The following CCDC73 variants were observed in gnomAD, a reference collection of about 807,000 sequenced individuals.
The protein encoded by CCDC73 is coiled-coil domain containing 73, also known as coiled-coil domain-containing protein 73.
CCDC73 carries 95 observed loss-of-function variants against 116.5 expected under a neutral mutation model. The observed-to-expected ratio is 0.82, with a 90% CI of 0.69 to 0.97. The LOEUF (loss-of-function observed/expected upper bound fraction) is 0.97, where lower values mean the gene tolerates loss of function less well. Among genes scored for constraint, CCDC73 ranks in the 50% least tolerant of loss-of-function variants. The pLI is 0.00. For missense variants in CCDC73, 1,066 were observed against 1,206.8 expected (o/e 0.88, Z 1.73); for synonymous variants, 398 against 401.3 (o/e 0.99, Z 0.10).
intron 2 of CCDC73, among the ~76,000 whole-genome samples, chr11:32,729,139 T>A (rs1850054384): frequency 6.6e-6 from 1 of 152,156 alleles, no homozygotes; most frequent in South Asian, 2.1e-4. Flanking sequence ...AAGCCTAGCA[T>A]CCATTAGCTA....
intron 7 of CCDC73, among the ~76,000 whole-genome samples, chr11:32,678,269 A>C (rs995606717): frequency 1.3e-5 from 2 of 151,914 alleles, no homozygotes; most frequent in Non-Finnish European, 2.9e-5. Context: ...CTAGAGTGAG[A>C]CTCCGTCTCA....
chr11:32,664,859 CTTTG>C (rs1263048156), intron 9 of CCDC73, among the ~76,000 whole-genome samples: 1 of 152,126 alleles, frequency 6.6e-6, no homozygotes, highest in Admixed American at 6.5e-5. Context: ...TATGTTGTGT[CTTTG>C]TTCTCGTTGG....
rs74604876 is a variant in CCDC73 at position 32,659,339 on chromosome 11, C to A, written c.646-4367G>T. Among the ~76,000 whole-genome samples the A allele has an allele frequency of 6.1e-3, 932 of 152,108 alleles. 11 individuals are homozygous for A. The highest frequency in any genetic ancestry group is 0.021 in the African/African-American group (889 of 41,482). On this transcript the variant is annotated intron_variant, in intron 9 of 17. Transcript: ENST00000335185. ...TCTACAGGTAGTTGAACATATAGAA[C>A]CAGAGATTAAGAGAAATGTGAGATT...
the CCDC73 span, among the ~76,000 whole-genome samples, chr11:32,800,209 A>G: frequency 6.6e-6 from 1 of 152,184 alleles, no homozygotes; most frequent in Non-Finnish European, 1.5e-5. Flanking sequence ...GGATTAATCA[A>G]CTACAAATAA....
At chr11:32,731,929 G>A (rs955684457) in intron 2 of CCDC73, among the ~76,000 whole-genome samples, 4 of 152,224 alleles carry the variant, frequency 2.6e-5, no homozygotes, top group African/African-American at 7.2e-5. Flanking sequence ...GACAAGTTGA[G>A]AGAAGAAGGC....
At chr11:32,792,168 C>A (rs916155388) in intron 1 of CCDC73, among the ~76,000 whole-genome samples, 1 of 151,970 alleles carries the variant, frequency 6.6e-6, no homozygotes, top group African/African-American at 2.4e-5. Flanking sequence ...ATAAGCACAG[C>A]ACAAAAAAAT....
At chr11:32,753,254 T>G (rs1385808537) in intron 2 of CCDC73, among the ~76,000 whole-genome samples, 1 of 152,052 alleles carries the variant, frequency 6.6e-6, no homozygotes, top group Non-Finnish European at 1.5e-5. Flanking sequence ...TTCTAGTATT[T>G]GTAGAGTGTT....
chr11:32,814,788 A>C, the CCDC73 span, among the ~76,000 whole-genome samples: 1 of 152,236 alleles, frequency 6.6e-6, no homozygotes, highest in Non-Finnish European at 1.5e-5. Context: ...AATGCCCATC[A>C]GTGATGAATG....
chr11:32,818,233 C>T, the CCDC73 span, among the ~76,000 whole-genome samples: 1 of 152,218 alleles, frequency 6.6e-6, no homozygotes, highest in South Asian at 2.1e-4. Flanking sequence ...TCTGCCCTTT[C>T]GGGCCGTAAG....
At chr11:32,797,009 CAAAAAA>C (rs1163144111), upstream of CCDC73, among the ~76,000 whole-genome samples, 5,541 of 74,800 alleles carry the variant, frequency 0.074, 94 homozygotes, top group African/African-American at 0.1. Context: ...GAGACTGCCT[CAAAAAA>C]AAAAAAAAAA....
intron 9 of CCDC73, among the ~76,000 whole-genome samples, chr11:32,655,693 G>C (rs1855865223): frequency 6.6e-6 from 1 of 152,180 alleles, no homozygotes; most frequent in Admixed American, 6.5e-5. Flanking sequence ...TACAGAGTTT[G>C]AATGTTATAC....
intron 9 of CCDC73, among the ~76,000 whole-genome samples, chr11:32,661,964 T>C (rs1855932973): frequency 6.6e-6 from 1 of 151,772 alleles, no homozygotes; most frequent in South Asian, 2.1e-4. Flanking sequence ...GATAGTTTGC[T>C]GAGAATGATG....
chr11:32,755,334 G>T (rs1250412120), intron 2 of CCDC73, among the ~76,000 whole-genome samples: 1 of 145,436 alleles, frequency 6.9e-6, no homozygotes, highest in African/African-American at 2.5e-5. Context: ...AGGAGATCGA[G>T]GCCAGCCTGG....
intron 2 of CCDC73, among the ~76,000 whole-genome samples, chr11:32,742,821 T>G (rs1850200385): frequency 6.6e-6 from 1 of 152,132 alleles, no homozygotes; most frequent in South Asian, 2.1e-4. Context: ...CCATCTTGAG[T>G]TGATTTTTGT....
the CCDC73 span, among the ~76,000 whole-genome samples, chr11:32,821,375 G>A: frequency 1.3e-5 from 2 of 152,124 alleles, no homozygotes; most frequent in Non-Finnish European, 2.9e-5. Context: ...CCTGACATAA[G>A]TATTTAAGTG....
chr11:32,757,250 T>C (rs373204486), intron 2 of CCDC73, among the ~76,000 whole-genome samples: 1 of 152,042 alleles, frequency 6.6e-6, no homozygotes, highest in Non-Finnish European at 1.5e-5. Flanking sequence ...AGCTTATCTT[T>C]AGTGAAAAAA....
At chr11:32,739,395 T>C (rs1163965102) in intron 2 of CCDC73, among the ~76,000 whole-genome samples, 2 of 152,132 alleles carry the variant, frequency 1.3e-5, no homozygotes, top group East Asian at 1.9e-4. Context: ...ATAGTTTTCA[T>C]TGTAGAGAGC....
chr11:32,602,793 T>G lies in CCDC73; in HGVS notation c.*18A>C, dbSNP rs1445185930. 1 of 1,493,534 alleles carries G rather than the reference T, an allele frequency of 6.7e-7. No individual in the cohort carries two copies. Among genetic ancestry groups the G allele is most frequent in the African/African-American group, 1.4e-5 (1 of 70,728 alleles). 92.5% of individuals were successfully genotyped at this position (1,493,534 alleles called of 1,614,324 possible). A position where few individuals can be genotyped will look rare whatever the true frequency, so the allele number is the denominator to read the frequency against. ...AATTTCAGTTACATAATTTCACTAC[T>G]GAAAGCACTTATCTACATTATTTTA... On this transcript the variant is annotated 3_prime_UTR_variant, in exon 18 of 18. Transcript: ENST00000335185.
chr11:32,662,324 C>T (rs1590576981), intron 9 of CCDC73, among the ~76,000 whole-genome samples: 1 of 152,200 alleles, frequency 6.6e-6, no homozygotes, highest in South Asian at 2.1e-4. Flanking sequence ...GTTCTTATTT[C>T]TCCACATACT....
Sources: allele counts gnomAD v4.1 joint callset (sites outside exome capture counted in the v4.1 genomes callset), GRCh38; gene constraint gnomAD v4.1.1; transcripts MANE v1.5; gene names NCBI Gene and HGNC (gene_info 2026-07-23, HGNC 2026-07-21).